Variants in ZCWPW2 observed in about 807,000 individuals in gnomAD.
ZCWPW2 encodes the protein zinc finger CW-type PWWP domain protein 2.
A neutral mutation model predicts 46.6 loss-of-function variants in ZCWPW2; 45 were observed. The observed-to-expected ratio is 0.96, with a 90% CI of 0.76 to 1.24. ZCWPW2 has a LOEUF of 1.24. ZCWPW2 is among the 50% of genes most tolerant of loss of function. The probability of loss-of-function intolerance (pLI) is 0.00; values close to 1 mark genes in which losing one functional copy is unlikely to be tolerated. For missense variants in ZCWPW2, 429 were observed against 403.9 expected, an observed-to-expected ratio of 1.06 and a Z score of -0.53; for synonymous variants, 152 against 137.1, an observed-to-expected ratio of 1.11 and a Z score of -0.76.
chr3:28,431,623 A>G (rs1050863359), intron 3 of ZCWPW2, among the ~76,000 whole-genome samples: 2 of 152,152 alleles, frequency 1.3e-5, no homozygotes, highest in Admixed American at 1.3e-4. Context: ...TCAGCATACA[A>G]ATTTGAGGGT....
At chr3:28,400,220 A>G (rs7634659) in intron 2 of ZCWPW2, among the ~76,000 whole-genome samples, 3,407 of 152,210 alleles carry the variant, frequency 0.022, 126 homozygotes, top group African/African-American at 0.069. Flanking sequence ...GATTAAACCA[A>G]TCCAACAAAG....
intron 4 of ZCWPW2, among the ~76,000 whole-genome samples, chr3:28,462,201 C>A (rs1168018485): frequency 6.6e-6 from 1 of 152,160 alleles, no homozygotes; most frequent in African/African-American, 2.4e-5. Flanking sequence ...AGAAGATAGT[C>A]TCTCACACTT....
intron 4 of ZCWPW2, among the ~76,000 whole-genome samples, chr3:28,438,733 C>A (rs1697598027): frequency 6.6e-6 from 1 of 152,054 alleles, no homozygotes; most frequent in Non-Finnish European, 1.5e-5. Flanking sequence ...TAGACAAATA[C>A]TTTAAAGCCA....
At chr3:28,506,414 G>A (rs72909091) in intron 6 of ZCWPW2, among the ~76,000 whole-genome samples, 214 of 152,036 alleles carry the variant, frequency 1.4e-3, no homozygotes, top group African/African-American at 4.7e-3. Context: ...AATTCTGGCC[G>A]TTACTCTGAA....
At chr3:28,365,422 G>C (rs1559474647) in intron 1 of ZCWPW2, among the ~76,000 whole-genome samples, 1 of 141,058 alleles carries the variant, frequency 7.1e-6, no homozygotes, top group African/African-American at 2.5e-5. Flanking sequence ...CCCATTGCTT[G>C]TTTTTGTCAG....
At chr3:28,431,654 C>T (rs780079581) in intron 3 of ZCWPW2, among the ~76,000 whole-genome samples, 27 of 152,072 alleles carry the variant, frequency 1.8e-4, no homozygotes, top group Non-Finnish European at 3.1e-4. Context: ...CAAAATTCAG[C>T]CCATAATGAT....
chr3:28,486,884 T>C (rs1699617242), intron 5 of ZCWPW2, among the ~76,000 whole-genome samples: 1 of 151,322 alleles, frequency 6.6e-6, no homozygotes, highest in South Asian at 2.1e-4. Context: ...AAAAAAAAGG[T>C]AATTTCAGAG....
intron 6 of ZCWPW2, among the ~76,000 whole-genome samples, chr3:28,505,513 G>A (rs1284562904): frequency 6.6e-6 from 1 of 152,106 alleles, no homozygotes; most frequent in Non-Finnish European, 1.5e-5. Context: ...AAAGTTGAAA[G>A]CAATCATTGT....
At chr3:28,427,021 C>T (rs1392707787) in intron 3 of ZCWPW2, among the ~76,000 whole-genome samples, 1 of 152,170 alleles carries the variant, frequency 6.6e-6, no homozygotes, top group Non-Finnish European at 1.5e-5. Context: ...TTTGCCCTTT[C>T]CTCCGATGGA....
chr3:28,440,858 C>T (rs1187889559), intron 4 of ZCWPW2, among the ~76,000 whole-genome samples: 1 of 152,144 alleles, frequency 6.6e-6, no homozygotes, highest in Non-Finnish European at 1.5e-5. Flanking sequence ...CAGTGAGGAC[C>T]TCTGCCTTTT....
rs140007554 is a variant in ZCWPW2 at position 28,371,680 on chromosome 3, A to C, written c.-133-18818A>C. ...CTCAAGCAAACCAACAAATAAATAA[A>C]TAATAAATAAATGATTGATCAATAT... On this transcript the variant is annotated intron_variant, in intron 1 of 9. Transcript: ENST00000383768. 1.5e-3 allele frequency among the ~76,000 whole-genome samples: 230 copies of C among 152,222 alleles called. 1 individual carries two copies. The highest frequency in any genetic ancestry group is 5.0e-3 in the African/African-American group (208 of 41,540).
chr3:28,361,285 T>C (rs1417903014), intron 1 of ZCWPW2, among the ~76,000 whole-genome samples: 1 of 152,158 alleles, frequency 6.6e-6, no homozygotes, highest in African/African-American at 2.4e-5. Flanking sequence ...TAAAGGATAG[T>C]CTCTTTCAAC....
chr3:28,441,467 C>A (rs1393901802), intron 4 of ZCWPW2, among the ~76,000 whole-genome samples: 2 of 152,206 alleles, frequency 1.3e-5, no homozygotes, highest in Non-Finnish European at 2.9e-5. Context: ...ATTCACAACT[C>A]TCCTTCAGGG....
Position 28,448,109 on chromosome 3 carries a change from T to G in ZCWPW2, c.492+12840T>G, listed in dbSNP as rs74549205. On this transcript the variant is annotated intron_variant, in intron 4 of 9. Coordinates refer to ENST00000383768, the MANE Select transcript of ZCWPW2 (RefSeq NM_001040432.4). ...AAGCTTTTTTTAAGGGTAATAAAAA[T>G]TAAAAGGCTTAAAAAAAAGATCAAA... 0.013 allele frequency: 2,600 copies of G among 201,770 alleles called. 99 individuals are homozygous for G. In the East Asian group the frequency reaches 0.13, roughly 10 times the overall value. 12.5% of individuals were successfully genotyped at this position (201,770 alleles called of 1,614,324 possible). A position where few individuals can be genotyped will look rare whatever the true frequency, so the allele number is the denominator to read the frequency against.
intron 4 of ZCWPW2, among the ~76,000 whole-genome samples, chr3:28,466,131 C>T (rs1698813123): frequency 6.6e-6 from 1 of 152,110 alleles, no homozygotes; most frequent in African/African-American, 2.4e-5. Flanking sequence ...ACATTGAGTA[C>T]ACATGGACAC....
intron 5 of ZCWPW2, among the ~76,000 whole-genome samples, chr3:28,482,122 C>G (rs1261937118): frequency 6.6e-6 from 1 of 152,144 alleles, no homozygotes; most frequent in Non-Finnish European, 1.5e-5. Flanking sequence ...TTTCACTGCT[C>G]TAAAAATCCT....
At chr3:28,405,339 G>A (rs1696116973) in intron 2 of ZCWPW2, among the ~76,000 whole-genome samples, 1 of 152,206 alleles carries the variant, frequency 6.6e-6, no homozygotes, top group Admixed American at 6.5e-5. Flanking sequence ...ACTAAGGCAG[G>A]AAATTGGTAC....
At chr3:28,417,018 A>T (rs1696603606) in intron 3 of ZCWPW2, among the ~76,000 whole-genome samples, 1 of 146,932 alleles carries the variant, frequency 6.8e-6, no homozygotes, top group Admixed American at 6.8e-5. Flanking sequence ...TATCAGGATG[A>T]TGCTGGCCTC....
At chr3:28,417,081 G>C (rs563857766) in intron 3 of ZCWPW2, among the ~76,000 whole-genome samples, 1 of 147,840 alleles carries the variant, frequency 6.8e-6, no homozygotes, top group Non-Finnish European at 1.5e-5. Context: ...TTTTGAAAAG[G>C]TCAACAAAAT....
Sources: allele counts gnomAD v4.1 joint callset (sites outside exome capture counted in the v4.1 genomes callset), GRCh38; gene constraint gnomAD v4.1.1; transcripts MANE v1.5; gene names NCBI Gene and HGNC (gene_info 2026-07-23, HGNC 2026-07-21).